Variants in SSR3 observed in about 807,000 individuals in gnomAD.
The protein encoded by SSR3 is signal sequence receptor subunit 3.
A neutral mutation model predicts 22.1 loss-of-function variants in SSR3; 10 were observed. The ratio of observed to expected loss-of-function variants is 0.45; its 90% CI spans 0.28 to 0.77. The LOEUF is 0.77. Ranked by LOEUF, SSR3 falls within the 30% of genes least tolerant of loss-of-function variation. The pLI, the probability that SSR3 is intolerant of heterozygous loss-of-function variation, is 0.13. For synonymous variants in SSR3, 104 were observed against 82.5 expected (o/e 1.26, Z -1.42); for missense variants, 181 against 220.5 (o/e 0.82, Z 1.13).
Position 156,543,262 on chromosome 3 carries a change from T to C in SSR3, c.499A>G (p.Ile167Val). Residue 167 changes from isoleucine to valine, a missense_variant, in exon 5 of 5, where the codon ATA becomes GTA. Ile to Val is a conservative substitution (Grantham distance 29). Transcript: ENST00000265044. ...LKNFNPTVNY[I>V]LSISASSGLI... ...CCTGATGAAGCACTTATGGACAATA[T>C]GTAGTTCCTGTAAGAAATTTAATGT... 6.2e-7 allele frequency: 1 copy of C among 1,613,432 alleles called. No homozygotes were observed. The highest frequency in any genetic ancestry group is 8.5e-7 in the Non-Finnish European group (1 of 1,179,544).
intron 4 of SSR3, 100 bp downstream of exon 4, chr3:156,544,208 A>T (rs1432361758): frequency 1.8e-6 from 2 of 1,089,228 alleles, no homozygotes; most frequent in Non-Finnish European, 2.5e-6. Flanking sequence ...TGACTCCCAG[A>T]GCAGTTTTTC....
Position 156,555,107 on chromosome 3 carries a change from G to T in SSR3, c.-18C>A, listed in dbSNP as rs199822497. 6.9e-5 allele frequency: 112 copies of T among 1,611,614 alleles called. No individual in the cohort carries two copies. The African/African-American group carries it at 8.0e-4, about 12-fold the overall frequency. On this transcript the variant is annotated 5_prime_UTR_variant, in exon 1 of 5. Transcript: ENST00000265044. ...GGAGCCATGGCGGAGCTGCAGGCGA[G>T]AACAGGGAACGTAGAGCCGGCCGCC... is the stretch of plus-strand genomic sequence containing the variant.
Position 156,549,010 on chromosome 3 carries a change from G to A in SSR3, c.261-7C>T. The stretch of plus-strand genomic sequence containing the variant: ...CTCCCTCTTCTGTGCTACTCTGGAA[G>A]AAAAAGAAAAAAAGAAAAAGTTTCC... On this transcript the variant is annotated splice_polypyrimidine_tract_variant and splice_region_variant and intron_variant, in intron 2 of 4. Coordinates refer to ENST00000265044, the MANE Select transcript of SSR3 (RefSeq NM_007107.5). 3.1e-6 allele frequency: 5 copies of A among 1,599,076 alleles called. No individual in the cohort carries two copies. The Admixed American group carries it at 5.3e-5, about 17-fold the overall frequency.
chr3:156,544,559 T>A (rs189838374), intron 3 of SSR3, 120 bp from the exon 4 acceptor site: 1 of 729,888 alleles, frequency 1.4e-6, no homozygotes, highest in Non-Finnish European at 2.0e-6. Context: ...AGGGTAAGAA[T>A]GTGTTTGTAA....
chr3:156,540,299 T>A lies in SSR3; in HGVS notation c.*2904A>T, dbSNP rs1719393972. 1 of 152,204 alleles carries A rather than the reference T, an allele frequency of 6.6e-6. No individual in the cohort carries two copies. The allele number at this position is 152,204 out of a possible 1,614,324, so 9.4% of individuals were successfully genotyped here. On this transcript the variant is annotated 3_prime_UTR_variant, in exon 5 of 5. Transcript: ENST00000265044. ...TGGCAAATAGGACAACCAGTAAACT[T>A]TTATTGCTTAAGAATATCAATCTAG...
intron 3 of SSR3, among the ~76,000 whole-genome samples, chr3:156,546,586 T>C (rs948094281): frequency 2.6e-5 from 4 of 151,530 alleles, no homozygotes; most frequent in African/African-American, 4.8e-5. Context: ...ATATCCTGTT[T>C]TTGTTTCTGT....
chr3:156,554,664 T>A, intron 1 of SSR3: 2 of 408,768 alleles, frequency 4.9e-6, no homozygotes, highest in Non-Finnish European at 8.9e-6. Context: ...TCTGTTTAAA[T>A]AGAGATTCGG....
At chr3:156,551,140 TA>T (rs766147158) in intron 2 of SSR3, among the ~76,000 whole-genome samples, 3 of 148,362 alleles carry the variant, frequency 2.0e-5, no homozygotes, top group Admixed American at 6.7e-5. Context: ...AACTATGACT[TA>T]AAAAAAAAAC....
chr3:156,540,382 G>A lies in SSR3; in HGVS notation c.*2821C>T, dbSNP rs892135091. 2 of 152,090 alleles carry A rather than the reference G, an allele frequency of 1.3e-5. No homozygotes were observed. The highest frequency in any genetic ancestry group is 4.8e-5 in the African/African-American group (2 of 41,408). The allele number at this position is 152,090 out of a possible 1,614,324, so 9.4% of individuals were successfully genotyped here. A position where few individuals can be genotyped will look rare whatever the true frequency, so the allele number is the denominator to read the frequency against. On this transcript the variant is annotated 3_prime_UTR_variant, in exon 5 of 5. Transcript: ENST00000265044. Reference sequence around the variant, plus strand: ...GCACTTTGGGAGGCCGAGGCAGGTGGATCACGAGGTCAGGAGATCGAGACC... The same window carrying A: ...GCACTTTGGGAGGCCGAGGCAGGTGAATCACGAGGTCAGGAGATCGAGACC...
In SSR3 at chr3:156,541,787, A is replaced by C. The variant is rs1487314877; in HGVS notation, c.*1416T>G. 1 of 152,212 alleles carries C rather than the reference A, an allele frequency of 6.6e-6. No individual in the cohort carries two copies. Among genetic ancestry groups the C allele is most frequent in the African/African-American group, 2.4e-5 (1 of 41,460 alleles). The allele number at this position is 152,212 out of a possible 1,614,324, so 9.4% of individuals were successfully genotyped here. On this transcript the variant is annotated 3_prime_UTR_variant, in exon 5 of 5. Coordinates refer to ENST00000265044, the MANE Select transcript of SSR3 (RefSeq NM_007107.5). ...TAAAGAATTGCAGACTTCTAGAAGC[A>C]ATGATGAAATATAATTCTCAGTTGC...
chr3:156,546,324 T>C lies in SSR3; in HGVS notation c.360-1885A>G, dbSNP rs949435599. On this transcript the variant is annotated intron_variant, in intron 3 of 4. Transcript: ENST00000265044. The stretch of plus-strand genomic sequence containing the variant: ...ACCTTCCACCATGATTGTAAGTTTT[T>C]TGAGGCATCCCCAGTCATGCAGAAC... 2.0e-5 allele frequency among the ~76,000 whole-genome samples: 3 copies of C among 152,354 alleles called. No homozygotes were observed. In the South Asian group the frequency reaches 6.2e-4, roughly 32 times the overall value.
At chr3:156,546,861 A>G (rs936683202) in intron 3 of SSR3, among the ~76,000 whole-genome samples, 1 of 152,216 alleles carries the variant, frequency 6.6e-6, no homozygotes, top group African/African-American at 2.4e-5. Context: ...CCATCCTTGG[A>G]TAAATGAACA....
intron 4 of SSR3, 176 bp downstream of exon 4, chr3:156,544,132 C>G (rs952819764): frequency 2.1e-6 from 1 of 466,496 alleles, no homozygotes. Flanking sequence ...TTAAAAGAAT[C>G]TTAAACCAAT....
chr3:156,541,606 G>T lies in SSR3; in HGVS notation c.*1597C>A, dbSNP rs1307224936. The T allele has an allele frequency of 6.6e-6, 1 of 152,044 alleles. No individual in the cohort carries two copies. Among genetic ancestry groups the T allele is most frequent in the Non-Finnish European group, 1.5e-5 (1 of 68,010 alleles). The allele number at this position is 152,044 out of a possible 1,614,324, so 9.4% of individuals were successfully genotyped here. ...TTTTGGTATTTTTAGTAGAGACGGG[G>T]TTTCACCATGTTGGCCAGGAGTTCA... On this transcript the variant is annotated 3_prime_UTR_variant, in exon 5 of 5. Transcript: ENST00000265044.
At chr3:156,554,433 A>T (rs913822351) in intron 1 of SSR3, among the ~76,000 whole-genome samples, 1 of 152,196 alleles carries the variant, frequency 6.6e-6, no homozygotes, top group African/African-American at 2.4e-5. Flanking sequence ...AATAAGGTAG[A>T]TCCCTAACCC....
Position 156,555,095 on chromosome 3 carries a change from A to T in SSR3, c.-6T>A. On this transcript the variant is annotated 5_prime_UTR_variant, in exon 1 of 5. Transcript: ENST00000265044. ...GAGCTGCCTTTAGGAGCCATGGCGG[A>T]GCTGCAGGCGAGAACAGGGAACGTA... The T allele has an allele frequency of 6.2e-7, 1 of 1,612,990 alleles. No homozygotes were observed. Among genetic ancestry groups the T allele is most frequent in the Non-Finnish European group, 8.5e-7 (1 of 1,179,806 alleles).
chr3:156,553,840 A>C (rs1720054517), intron 1 of SSR3, 59 bp from the exon 2 acceptor site: 6 of 1,520,190 alleles, frequency 3.9e-6, no homozygotes, highest in Non-Finnish European at 4.4e-6. Context: ...CAACCCCGCA[A>C]CAAAAGCCTG....
intron 2 of SSR3, among the ~76,000 whole-genome samples, chr3:156,552,870 G>C (rs981291895): frequency 6.6e-6 from 1 of 152,110 alleles, no homozygotes; most frequent in African/African-American, 2.4e-5. Context: ...TATGAAACTA[G>C]AATATTTAAT....
In SSR3 at chr3:156,553,724, A is replaced by T. The variant is rs755968722; in HGVS notation, c.191T>A (p.Val64Glu). The T allele has an allele frequency of 6.2e-7, 1 of 1,613,156 alleles. No homozygotes were observed. Among genetic ancestry groups the T allele is most frequent in the East Asian group, 2.2e-5 (1 of 44,846 alleles). ...DLIQSAVLYS[V>E]MTLVSTYLVA... ...CAAATATGTGCTTACTAGGGTCATC[A>T]CACTATACAAAACAGCAGACTGAAT... Residue 64 changes from valine (V) to glutamate (E), a missense_variant, in exon 2 of 5, where the codon GTG becomes GAG. Val to Glu is a moderately radical substitution (Grantham distance 121, BLOSUM62 -2). Transcript: ENST00000265044.
Sources: gnomAD v4.1 joint callset for allele counts (sites outside exome capture counted in the v4.1 genomes callset) on GRCh38, gnomAD v4.1.1 for gene constraint, MANE v1.5 for transcripts, NCBI Gene and HGNC (gene_info 2026-07-23, HGNC 2026-07-21) for gene names.